B3GLCT: variants seen among roughly 807,000 people sequenced by gnomAD.
The protein encoded by B3GLCT is beta 3-glucosyltransferase.
In B3GLCT, 65 loss-of-function variants were observed where a neutral mutation model predicts 63.4. The ratio of observed to expected loss-of-function variants is 1.03; its 90% CI spans 0.84 to 1.26. B3GLCT has a LOEUF of 1.26. Ranked by LOEUF, B3GLCT falls within the 50% of genes most tolerant of loss-of-function variation. The pLI, the probability that B3GLCT is intolerant of heterozygous loss-of-function variation, is 0.00. For missense variants in B3GLCT, 577 were observed against 604.8 expected (o/e 0.95, Z 0.48); for synonymous variants, 233 against 219.2 (o/e 1.06, Z -0.55).
chr13:31,291,615 C>T (rs1873663122), intron 12 of B3GLCT, among the ~76,000 whole-genome samples: 1 of 148,738 alleles, frequency 6.7e-6, no homozygotes, highest in African/African-American at 2.4e-5. Flanking sequence ...TCGTGATTTG[C>T]TTCTCTATTA....
At chr13:31,301,315 A>G (rs571401307) in intron 12 of B3GLCT, among the ~76,000 whole-genome samples, 40 of 152,292 alleles carry the variant, frequency 2.6e-4, no homozygotes, top group Non-Finnish European at 4.6e-4. Flanking sequence ...CCAGCTCTTC[A>G]GTTTCTGTTC....
chr13:31,297,785 G>A (rs1205116440), intron 12 of B3GLCT, among the ~76,000 whole-genome samples: 1 of 152,126 alleles, frequency 6.6e-6, no homozygotes, highest in Admixed American at 6.5e-5. Flanking sequence ...TCCTCTGTGG[G>A]TTTATTTAAT....
chr13:31,241,441 T>A (rs958981283), intron 4 of B3GLCT, among the ~76,000 whole-genome samples: 1 of 152,166 alleles, frequency 6.6e-6, no homozygotes, highest in Non-Finnish European at 1.5e-5. Flanking sequence ...TCCATGAACA[T>A]GGTGCCAGTG....
chr13:31,284,896 A>G (rs1204917445), intron 11 of B3GLCT, 135 bp downstream of exon 11: 6 of 674,112 alleles, frequency 8.9e-6, no homozygotes, highest in East Asian at 2.7e-5. Flanking sequence ...CCCTTCTCTC[A>G]GATACTGATT....
At chr13:31,208,047 C>T (rs1455948699) in intron 1 of B3GLCT, among the ~76,000 whole-genome samples, 4 of 151,848 alleles carry the variant, frequency 2.6e-5, no homozygotes, top group East Asian at 1.9e-4. Flanking sequence ...TAAGTGGCAG[C>T]GCTCGGATTT....
chr13:31,268,457 G>A (rs956145602), intron 7 of B3GLCT, among the ~76,000 whole-genome samples: 17 of 152,182 alleles, frequency 1.1e-4, no homozygotes, highest in African/African-American at 2.4e-4. Flanking sequence ...TGATAGGTCC[G>A]TGCTTTGTAC....
At chr13:31,274,252 G>T (rs1343011639) in intron 8 of B3GLCT, among the ~76,000 whole-genome samples, 10 of 152,118 alleles carry the variant, frequency 6.6e-5, no homozygotes, top group African/African-American at 2.4e-4. Context: ...TCCTAAAACC[G>T]CATACTTCGG....
intron 8 of B3GLCT, among the ~76,000 whole-genome samples, chr13:31,272,849 AT>A (rs961835820): frequency 8.5e-5 from 13 of 152,094 alleles, no homozygotes; most frequent in African/African-American, 2.9e-4. Flanking sequence ...TATATTTGCC[AT>A]TGTTTTTGCT....
intron 7 of B3GLCT, among the ~76,000 whole-genome samples, chr13:31,267,652 G>A (rs1872392047): frequency 6.6e-6 from 1 of 152,198 alleles, no homozygotes; most frequent in African/African-American, 2.4e-5. Context: ...CTACCAAGCT[G>A]TGTTAGTATC....
At chr13:31,217,235 A>ATG (rs1415615974) in intron 2 of B3GLCT, among the ~76,000 whole-genome samples, 3 of 152,122 alleles carry the variant, frequency 2.0e-5, no homozygotes, top group Non-Finnish European at 4.4e-5. Context: ...TGTTGGCTGC[A>ATG]TGTATGTCTT....
At chr13:31,316,433 A>AT (rs67766869) in intron 12 of B3GLCT, among the ~76,000 whole-genome samples, 12 of 114,424 alleles carry the variant, frequency 1.0e-4, no homozygotes, top group South Asian at 6.4e-4. Context: ...ATATATATAA[A>AT]TTTTTTTTTT....
At chr13:31,277,183 T>C (rs996996584) in intron 10 of B3GLCT, among the ~76,000 whole-genome samples, 1 of 152,174 alleles carries the variant, frequency 6.6e-6, no homozygotes, top group African/African-American at 2.4e-5. Flanking sequence ...CTTTTTCTTC[T>C]TTTTCAATTT....
At chr13:31,277,296 T>TTA (rs1872841875) in intron 10 of B3GLCT, among the ~76,000 whole-genome samples, 1 of 152,106 alleles carries the variant, frequency 6.6e-6, no homozygotes, top group African/African-American at 2.4e-5. Flanking sequence ...ACAGTGAATC[T>TTA]CTTCTTAAGG....
intron 4 of B3GLCT, among the ~76,000 whole-genome samples, chr13:31,233,228 A>G (rs1274684844): frequency 6.6e-6 from 1 of 152,232 alleles, no homozygotes; most frequent in Non-Finnish European, 1.5e-5. Context: ...GTAGCTATTT[A>G]TTTCTCTCAG....
intron 3 of B3GLCT, among the ~76,000 whole-genome samples, chr13:31,227,765 A>G (rs966421463): frequency 6.6e-6 from 1 of 152,260 alleles, no homozygotes; most frequent in Non-Finnish European, 1.5e-5. Flanking sequence ...GAACAATAAA[A>G]TATAATGGAA....
chr13:31,215,033 T>C lies in B3GLCT; in HGVS notation c.71-18T>C, dbSNP rs1403036127. 1 of 978 alleles carries C rather than the reference T, an allele frequency of 1.0e-3. No homozygotes were observed. The highest frequency in any genetic ancestry group is 0.25 in the East Asian group (1 of 4). The allele number at this position is 978 out of a possible 1,614,324, so 0.1% of individuals were successfully genotyped here. ...GCTAATTCTAAGGTAGAAATATTTC[T>C]TTTTTTTTTTTTTCCAGCTTTTGGT... is the stretch of plus-strand genomic sequence containing the variant. On this transcript the variant is annotated intron_variant, in intron 1 of 14. Transcript: ENST00000343307.
At chr13:31,223,578 G>A (rs1034397304) in intron 3 of B3GLCT, among the ~76,000 whole-genome samples, 1 of 151,992 alleles carries the variant, frequency 6.6e-6, no homozygotes, top group Non-Finnish European at 1.5e-5. Context: ...CACCCTCTCC[G>A]CCATAGTTTG....
At chr13:31,322,513 T>G (rs1875378061) in intron 13 of B3GLCT, among the ~76,000 whole-genome samples, 1 of 152,250 alleles carries the variant, frequency 6.6e-6, no homozygotes, top group Non-Finnish European at 1.5e-5. Flanking sequence ...CACGATGATA[T>G]GACTGGTAGT....
At chr13:31,317,983 A>G (rs866372636) in intron 13 of B3GLCT, among the ~76,000 whole-genome samples, 21 of 151,914 alleles carry the variant, frequency 1.4e-4, no homozygotes, top group Middle Eastern at 3.4e-3. Context: ...AATGGAAAAA[A>G]AAAATTGGTT....
Sources: gnomAD v4.1 joint callset for allele counts (sites outside exome capture counted in the v4.1 genomes callset) on GRCh38, gnomAD v4.1.1 for gene constraint, MANE v1.5 for transcripts, NCBI Gene and HGNC (gene_info 2026-07-23, HGNC 2026-07-21) for gene names.